Variants in TRPC5 observed in about 807,000 individuals in gnomAD.
The protein encoded by TRPC5 is transient receptor potential cation channel subfamily C member 5.
In TRPC5, 9 loss-of-function variants were observed where a neutral mutation model predicts 56.5. That is an observed-to-expected ratio of 0.16 (90% confidence interval 0.10 to 0.28). The LOEUF (loss-of-function observed/expected upper bound fraction) is 0.28, where lower values mean the gene tolerates loss of function less well. TRPC5 is among the 10% of genes least tolerant of loss of function. The pLI is 1.00. For synonymous variants in TRPC5, 282 were observed against 278.5 expected (o/e 1.01, Z -0.13); for missense variants, 469 against 748.9 (o/e 0.63, Z 4.36).
chrX:111,827,943 C>T (rs1441596169), intron 7 of TRPC5, among the ~76,000 whole-genome samples: 1 of 111,806 alleles, frequency 8.9e-6, no homozygotes, highest in Non-Finnish European at 1.9e-5. Context: ...ACTTCCCTCT[C>T]CTCCCTTGGT....
chrX:111,956,218 C>T (rs1196612191), intron 1 of TRPC5, among the ~76,000 whole-genome samples: 1 of 112,577 alleles, frequency 8.9e-6, no homozygotes, highest in Non-Finnish European at 1.9e-5. Context: ...TTCTACCTAA[C>T]TAAGAAAACA....
chrX:111,896,241 G>C (rs1925053842), intron 3 of TRPC5: 1 of 111,104 alleles, frequency 9.0e-6, no homozygotes, highest in Non-Finnish European at 1.9e-5. Flanking sequence ...CTTCAACAGT[G>C]CCCAGAATTA....
chrX:111,825,219 CTTCTTTCTT>C lies in TRPC5; in HGVS notation c.1896+9693_1896+9701del, dbSNP rs1189374699. The stretch of plus-strand genomic sequence containing the variant: ...TCTTTCTTTCTTTCTTTCTTTCTTT[CTTCTTTCTT>C]TCTCTCTCTCTCTCTCTCTCTCTCT... On this transcript the variant is annotated intron_variant, in intron 7 of 10. Coordinates refer to ENST00000262839, the MANE Select transcript of TRPC5 (RefSeq NM_012471.3). Among the ~76,000 whole-genome samples the C allele has an allele frequency of 1.9e-3, 95 of 48,794 alleles. 1 individual carries two copies. Among genetic ancestry groups the C allele is most frequent in the East Asian group, 5.0e-3 (8 of 1,593 alleles). The allele number at this position is 48,794 out of a possible 115,157, so 42.4% of individuals were successfully genotyped here. A position where few individuals can be genotyped will look rare whatever the true frequency, so the allele number is the denominator to read the frequency against.
At chrX:111,830,239 C>T (rs966909364) in intron 7 of TRPC5, among the ~76,000 whole-genome samples, 3 of 112,284 alleles carry the variant, frequency 2.7e-5, no homozygotes, top group Non-Finnish European at 3.8e-5. Flanking sequence ...GGTGTATTTA[C>T]CCAATGCCTG....
intron 1 of TRPC5, among the ~76,000 whole-genome samples, chrX:112,060,654 A>G (rs1930439067): frequency 8.9e-6 from 1 of 111,871 alleles, no homozygotes; most frequent in Admixed American, 9.5e-5. Context: ...GGGGGTGCAC[A>G]TGAACCTATC....
chrX:112,060,030 C>T (rs1930427529), intron 1 of TRPC5, among the ~76,000 whole-genome samples: 1 of 112,033 alleles, frequency 8.9e-6, no homozygotes, highest in Non-Finnish European at 1.9e-5. Flanking sequence ...AAGCCCATCC[C>T]TCTTTCCTTT....
At chrX:111,944,267 A>AGTATGTGTGT (rs773983065) in intron 2 of TRPC5, among the ~76,000 whole-genome samples, 2,081 of 71,656 alleles carry the variant, frequency 0.029, 75 homozygotes, top group African/African-American at 0.097. Flanking sequence ...GGAGTAGAAG[A>AGTATGTGTGT]GTGTGTGTGT....
chrX:111,778,242 C>G (rs1945893848), intron 10 of TRPC5, among the ~76,000 whole-genome samples: 1 of 111,067 alleles, frequency 9.0e-6, no homozygotes. Flanking sequence ...ACATGTATAC[C>G]TATGTAACAA....
intron 1 of TRPC5, among the ~76,000 whole-genome samples, chrX:112,048,399 CAAAAAAA>C (rs58537492): frequency 0.026 from 553 of 21,498 alleles, 11 homozygotes; most frequent in African/African-American, 0.082. Flanking sequence ...GACTCCGTAT[CAAAAAAA>C]AAAAAAAAAA....
chrX:111,797,808 G>C (rs1180790042), intron 7 of TRPC5, among the ~76,000 whole-genome samples: 2 of 111,072 alleles, frequency 1.8e-5, no homozygotes, highest in African/African-American at 6.5e-5. Context: ...TCTTTTATGA[G>C]TTTATTTTTT....
chrX:112,055,698 G>C (rs1221777571), intron 1 of TRPC5, among the ~76,000 whole-genome samples: 1 of 108,589 alleles, frequency 9.2e-6, no homozygotes, highest in African/African-American at 3.3e-5. Context: ...GGAATTTTGT[G>C]TGTTTCTAGT....
chrX:111,963,190 T>C (rs1205155015), intron 1 of TRPC5, among the ~76,000 whole-genome samples: 1 of 112,306 alleles, frequency 8.9e-6, no homozygotes, highest in Non-Finnish European at 1.9e-5. Flanking sequence ...CGCACATGGC[T>C]CAGAGGGTCC....
In TRPC5 at chrX:111,770,163, T is replaced by C. The variant is rs763110065; in HGVS notation, c.*6150A>G. On this transcript the variant is annotated 3_prime_UTR_variant, in exon 11 of 11. Transcript: ENST00000262839. ...TGACAGCAGATACATAATCTGGCTT[T>C]TTGCCATAGTGCCCTTCCTTACCTT... Among the ~76,000 whole-genome samples the C allele has an allele frequency of 8.9e-6, 1 of 112,269 alleles. No homozygotes were observed. The highest frequency in any genetic ancestry group is 3.7e-4 in the South Asian group (1 of 2,698).
intron 1 of TRPC5, among the ~76,000 whole-genome samples, chrX:112,015,478 C>A (rs1929098936): frequency 9.0e-6 from 1 of 110,880 alleles, no homozygotes; most frequent in South Asian, 3.9e-4. Context: ...CTTGGCCTCT[C>A]AAAACGTTGG....
chrX:111,880,109 G>A (rs1924141401), intron 3 of TRPC5, among the ~76,000 whole-genome samples: 1 of 110,338 alleles, frequency 9.1e-6, no homozygotes, highest in Non-Finnish European at 1.9e-5. Context: ...TAACCACATG[G>A]CTATTTTCCT....
At chrX:112,049,532 AAT>A (rs750428556) in intron 1 of TRPC5, among the ~76,000 whole-genome samples, 2 of 106,719 alleles carry the variant, frequency 1.9e-5, no homozygotes, top group Non-Finnish European at 1.9e-5. Context: ...TTATATATTT[AAT>A]ATATATATAT....
At chrX:112,016,835 A>G (rs1569529613) in intron 1 of TRPC5, among the ~76,000 whole-genome samples, 1 of 111,630 alleles carries the variant, frequency 9.0e-6, no homozygotes, top group Non-Finnish European at 1.9e-5. Flanking sequence ...TGATGAAATC[A>G]CTTCACTACT....
chrX:111,805,486 T>A (rs1015544418), intron 7 of TRPC5, among the ~76,000 whole-genome samples: 7 of 111,233 alleles, frequency 6.3e-5, no homozygotes, highest in African/African-American at 2.3e-4. Context: ...GGACCTTGAC[T>A]TTTTTTGGTT....
intron 7 of TRPC5, among the ~76,000 whole-genome samples, chrX:111,821,765 C>T (rs1922038480): frequency 8.9e-6 from 1 of 112,503 alleles, no homozygotes; most frequent in Non-Finnish European, 1.9e-5. Context: ...AGAACCACAC[C>T]CTCAGACAAT....
Sources: gnomAD v4.1 joint callset for allele counts (sites outside exome capture counted in the v4.1 genomes callset) on GRCh38, gnomAD v4.1.1 for gene constraint, MANE v1.5 for transcripts, NCBI Gene and HGNC (gene_info 2026-07-23, HGNC 2026-07-21) for gene names.